Variants in FRAS1 observed in about 807,000 individuals in gnomAD.
FRAS1 encodes the protein Fraser extracellular matrix complex subunit 1, also known as extracellular matrix organizing protein FRAS1.
Under a neutral mutation model 435.2 loss-of-function variants are expected in FRAS1, and 290 were observed. That is an observed-to-expected ratio of 0.67 (90% CI 0.61 to 0.73). FRAS1 has a LOEUF of 0.73. FRAS1 is among the 30% of genes least tolerant of loss of function. The pLI is 0.00. For missense variants in FRAS1, 4,860 were observed against 5,001.5 expected (o/e 0.97, Z 0.85); for synonymous variants, 1,800 against 1,851.0 (o/e 0.97, Z 0.71).
chr4:78,227,885 ATAGT>A (rs1288999453), intron 2 of FRAS1, among the ~76,000 whole-genome samples: 1 of 152,338 alleles, frequency 6.6e-6, no homozygotes, highest in African/African-American at 2.4e-5. Flanking sequence ...ACATCATAAA[ATAGT>A]TAGCAATTCT....
At chr4:78,474,053 G>A (rs976502411) in intron 53 of FRAS1, among the ~76,000 whole-genome samples, 7 of 152,190 alleles carry the variant, frequency 4.6e-5, no homozygotes, top group Non-Finnish European at 7.4e-5. Context: ...AGGCATTCAA[G>A]TTTGGAAAAT....
At chr4:78,234,374 C>T (rs190727394) in intron 2 of FRAS1, among the ~76,000 whole-genome samples, 1,875 of 152,176 alleles carry the variant, frequency 0.012, 15 homozygotes, top group Non-Finnish European at 0.018. Context: ...TACAGGCACC[C>T]GCCACTGCGC....
intron 2 of FRAS1, among the ~76,000 whole-genome samples, chr4:78,105,274 T>C (rs894897099): frequency 2.6e-5 from 4 of 152,242 alleles, no homozygotes; most frequent in Non-Finnish European, 5.9e-5. Flanking sequence ...TATTTCTATA[T>C]GGTTATATAT....
At chr4:78,063,140 C>T (rs1435700311) in intron 1 of FRAS1, among the ~76,000 whole-genome samples, 1 of 152,058 alleles carries the variant, frequency 6.6e-6, no homozygotes, top group South Asian at 2.1e-4. Flanking sequence ...AATAATGAGT[C>T]GAGAGATGAA....
intron 2 of FRAS1, among the ~76,000 whole-genome samples, chr4:78,088,033 A>G (rs1203096750): frequency 6.6e-6 from 1 of 152,206 alleles, no homozygotes; most frequent in Admixed American, 6.5e-5. Flanking sequence ...CTATACTACA[A>G]GGCTGGTACT....
intron 2 of FRAS1, among the ~76,000 whole-genome samples, chr4:78,117,202 C>T (rs552450145): frequency 6.6e-6 from 1 of 152,234 alleles, no homozygotes; most frequent in Non-Finnish European, 1.5e-5. Context: ...AAGAGATCAG[C>T]TGTTGGTCTG....
At chr4:78,473,336 C>G (rs111431298) in intron 52 of FRAS1, 102 bp from the exon 53 acceptor site, 3 of 867,622 alleles carry the variant, frequency 3.5e-6, no homozygotes, top group Admixed American at 5.0e-5. Flanking sequence ...TAAGTTTTGT[C>G]TGTAATACAT....
intron 47 of FRAS1, among the ~76,000 whole-genome samples, chr4:78,462,731 T>C (rs965472701): frequency 3.3e-5 from 5 of 152,174 alleles, no homozygotes; most frequent in African/African-American, 1.2e-4. Context: ...TAAGACAGGG[T>C]GCAACATTTC....
intron 14 of FRAS1, among the ~76,000 whole-genome samples, chr4:78,302,757 G>C (rs1416957657): frequency 1.3e-5 from 2 of 152,050 alleles, no homozygotes; most frequent in East Asian, 3.9e-4. Flanking sequence ...CTGGATATTA[G>C]TCCTTTGTCA....
chr4:78,120,690 C>A (rs1327261381), intron 2 of FRAS1, among the ~76,000 whole-genome samples: 13 of 152,182 alleles, frequency 8.5e-5, no homozygotes, highest in Non-Finnish European at 1.9e-4. Context: ...AAGGATTAAG[C>A]ACACTCTTGT....
At chr4:78,520,288 G>A (rs895491248) in intron 67 of FRAS1, among the ~76,000 whole-genome samples, 1 of 140,086 alleles carries the variant, frequency 7.1e-6, no homozygotes, top group Non-Finnish European at 1.5e-5. Flanking sequence ...TTAGTGTCCT[G>A]TACTTCACAC....
At chr4:78,142,469 C>T (rs1720234688) in intron 2 of FRAS1, among the ~76,000 whole-genome samples, 2 of 151,858 alleles carry the variant, frequency 1.3e-5, no homozygotes, top group South Asian at 4.1e-4. Flanking sequence ...CAAGATGTAA[C>T]TGAAAACCAA....
intron 3 of FRAS1, among the ~76,000 whole-genome samples, chr4:78,240,847 A>C (rs976668402): frequency 6.6e-6 from 1 of 152,240 alleles, no homozygotes; most frequent in African/African-American, 2.4e-5. Flanking sequence ...AGCCATGGTC[A>C]GAGGGGTGAA....
chr4:78,507,714 C>T (rs945921402), intron 62 of FRAS1, 106 bp downstream of exon 62: 1 of 1,061,648 alleles, frequency 9.4e-7, no homozygotes, highest in Non-Finnish European at 1.3e-6. Flanking sequence ...CAGTGGTTCC[C>T]AACCAGGAGC....
At chr4:78,266,043 G>A (rs1223491120) in intron 7 of FRAS1, among the ~76,000 whole-genome samples, 1 of 152,170 alleles carries the variant, frequency 6.6e-6, no homozygotes, top group Admixed American at 6.6e-5. Context: ...GAAGAGACAG[G>A]CTTTATATCT....
At chr4:78,237,422 C>T in intron 2 of FRAS1, 88 bp from the exon 3 acceptor site, 1 of 861,326 alleles carries the variant, frequency 1.2e-6, no homozygotes, top group Non-Finnish European at 1.9e-6. Context: ...TGTAATTGTC[C>T]AGGATGTGGG....
chr4:78,234,060 G>T (rs889313320), intron 2 of FRAS1, among the ~76,000 whole-genome samples: 1 of 152,144 alleles, frequency 6.6e-6, no homozygotes, highest in African/African-American at 2.4e-5. Context: ...AGTGGGGAGC[G>T]TAAGTAAGTG....
chr4:78,215,936 A>T (rs2110090121), intron 2 of FRAS1, among the ~76,000 whole-genome samples: 1 of 152,320 alleles, frequency 6.6e-6, no homozygotes, highest in South Asian at 2.1e-4. Flanking sequence ...AATATTTTTT[A>T]GTGAAAACTG....
At chr4:78,211,354 A>G (rs1723493464) in intron 2 of FRAS1, among the ~76,000 whole-genome samples, 1 of 152,242 alleles carries the variant, frequency 6.6e-6, no homozygotes, top group African/African-American at 2.4e-5. Flanking sequence ...TTTAAAAAGA[A>G]GTCAACTTGT....
Sources: gnomAD v4.1 joint callset for allele counts (sites outside exome capture counted in the v4.1 genomes callset) on GRCh38, gnomAD v4.1.1 for gene constraint, MANE v1.5 for transcripts, NCBI Gene and HGNC (gene_info 2026-07-23, HGNC 2026-07-21) for gene names.